Variants in ST7 observed in about 807,000 individuals in gnomAD.
ST7 encodes suppression of tumorigenicity 7, also known as suppressor of tumorigenicity 7 protein.
A neutral mutation model predicts 78.7 loss-of-function variants in ST7; 28 were observed. The observed-to-expected ratio is 0.36, with a 90% confidence interval of 0.26 to 0.49. The LOEUF is 0.49. Among genes scored for constraint, ST7 ranks in the 20% least tolerant of loss-of-function variants. The pLI is 0.99. For missense variants in ST7, 418 were observed against 696.0 expected (o/e 0.60, Z 4.49); for synonymous variants, 247 against 249.6 (o/e 0.99, Z 0.10).
chr7:117,010,724 A>G (rs1235563020), intron 1 of ST7, among the ~76,000 whole-genome samples: 1 of 152,200 alleles, frequency 6.6e-6, no homozygotes, highest in Non-Finnish European at 1.5e-5. Flanking sequence ...CAACCCTGGT[A>G]TTTTAAAACA....
chr7:116,967,227 T>C (rs1347914768), intron 1 of ST7: 4 of 465,102 alleles, frequency 8.6e-6, no homozygotes, highest in Non-Finnish European at 1.8e-5. Context: ...TATGAATAGG[T>C]AGTAATTCTG....
chr7:117,187,250 A>T (rs1454283188), intron 10 of ST7, among the ~76,000 whole-genome samples: 1 of 152,246 alleles, frequency 6.6e-6, no homozygotes, highest in Non-Finnish European at 1.5e-5. Flanking sequence ...AAAATAACTT[A>T]CTAGCATAAA....
intron 1 of ST7, among the ~76,000 whole-genome samples, chr7:117,042,500 T>C (rs1797278473): frequency 6.6e-6 from 1 of 152,178 alleles, no homozygotes; most frequent in Admixed American, 6.5e-5. Flanking sequence ...TTATTAATTA[T>C]AATGAAGTGG....
chr7:117,071,789 G>A (rs1420985171), intron 1 of ST7, among the ~76,000 whole-genome samples: 1 of 152,202 alleles, frequency 6.6e-6, no homozygotes, highest in Non-Finnish European at 1.5e-5. Context: ...TAGTTAGCAT[G>A]TTTACACAGA....
intron 12 of ST7, among the ~76,000 whole-genome samples, chr7:117,207,055 G>A: frequency 6.6e-6 from 1 of 152,018 alleles, no homozygotes; most frequent in East Asian, 1.9e-4. Flanking sequence ...AAAACGGATG[G>A]CACATATCTA....
chr7:116,972,075 G>A (rs1041564463), intron 1 of ST7: 2 of 511,538 alleles, frequency 3.9e-6, no homozygotes, highest in Non-Finnish European at 7.6e-6. Context: ...TTAAAGATCA[G>A]TCCTCAGTTA....
At chr7:117,136,294 G>T (rs1240472698) in intron 8 of ST7, 59 bp downstream of exon 8, 1 of 1,605,566 alleles carries the variant, frequency 6.2e-7, no homozygotes, top group Non-Finnish European at 8.5e-7. Context: ...TTATTAATCA[G>T]AGCAAATTTT....
At chr7:116,967,829 T>TCTAA (rs1373815828) in intron 1 of ST7, among the ~76,000 whole-genome samples, 5 of 152,376 alleles carry the variant, frequency 3.3e-5, no homozygotes, top group South Asian at 2.1e-4. Context: ...CTTCTTGGTG[T>TCTAA]CTAACTCAAT....
At chr7:117,024,356 AT>A (rs1796086158) in intron 1 of ST7, among the ~76,000 whole-genome samples, 1 of 152,162 alleles carries the variant, frequency 6.6e-6, no homozygotes, top group South Asian at 2.1e-4. Context: ...ATGATGAATT[AT>A]TTAATTAGCA....
intron 1 of ST7, among the ~76,000 whole-genome samples, chr7:116,955,531 C>T (rs979875287): frequency 1.2e-4 from 18 of 152,354 alleles, no homozygotes; most frequent in Middle Eastern, 3.4e-3. Flanking sequence ...CTAATTACCA[C>T]TCACAGGTCC....
intron 1 of ST7, among the ~76,000 whole-genome samples, chr7:117,096,278 C>T (rs1801036712): frequency 6.6e-6 from 1 of 151,922 alleles, no homozygotes; most frequent in Non-Finnish European, 1.5e-5. Context: ...TGCAGCCTTC[C>T]TACTTTAATA....
At chr7:117,150,189 T>A (rs1806142011) in intron 9 of ST7, among the ~76,000 whole-genome samples, 1 of 152,166 alleles carries the variant, frequency 6.6e-6, no homozygotes, top group Admixed American at 6.5e-5. Flanking sequence ...TCACTATGGG[T>A]ATAGACTTAA....
intron 9 of ST7, among the ~76,000 whole-genome samples, chr7:117,149,011 G>A (rs1343584885): frequency 6.6e-6 from 1 of 152,206 alleles, no homozygotes; most frequent in South Asian, 2.1e-4. Flanking sequence ...GATGACCAGG[G>A]AGGACAATGA....
chr7:117,025,738 A>T (rs1796153944), intron 1 of ST7, among the ~76,000 whole-genome samples: 1 of 152,166 alleles, frequency 6.6e-6, no homozygotes. Flanking sequence ...GACTCATCTT[A>T]CCATATCACT....
At chr7:116,954,633 A>G (rs993536083) in intron 1 of ST7, 1 of 153,098 alleles carries the variant, frequency 6.5e-6, no homozygotes, top group African/African-American at 2.4e-5. Context: ...AACACAAAGT[A>G]AATTTCGAGC....
chr7:117,141,041 C>G (rs560880598), intron 9 of ST7, among the ~76,000 whole-genome samples: 6 of 152,276 alleles, frequency 3.9e-5, no homozygotes, highest in African/African-American at 1.4e-4. Context: ...AAGATAACTG[C>G]GACTTCCCTG....
intron 3 of ST7, among the ~76,000 whole-genome samples, 173 bp from the exon 4 acceptor site, chr7:117,129,620 C>G (rs1411917091): frequency 1.3e-5 from 2 of 151,858 alleles, no homozygotes; most frequent in Admixed American, 6.6e-5. Flanking sequence ...AGTCCCGGAG[C>G]CTGAGCCACA....
At chr7:117,136,498 A>C (rs941162763) in intron 8 of ST7, 11 of 577,070 alleles carry the variant, frequency 1.9e-5, no homozygotes, top group Non-Finnish European at 3.0e-5. Context: ...AACCTTTAAT[A>C]GTAACCTTTT....
chr7:117,105,185 G>A (rs1196936970), intron 2 of ST7, among the ~76,000 whole-genome samples: 2 of 152,202 alleles, frequency 1.3e-5, no homozygotes, highest in African/African-American at 4.8e-5. Context: ...GGATGGAACT[G>A]GAGGTCATTA....
Sources: allele counts gnomAD v4.1 joint callset (sites outside exome capture counted in the v4.1 genomes callset), GRCh38; gene constraint gnomAD v4.1.1; transcripts MANE v1.5; gene names NCBI Gene and HGNC (gene_info 2026-07-23, HGNC 2026-07-21).